Variants in PTK7 observed in about 807,000 individuals in gnomAD.
PTK7 encodes the protein protein tyrosine kinase 7 (inactive).
Under a neutral mutation model 116.6 loss-of-function variants are expected in PTK7, and 39 were observed. The ratio of observed to expected loss-of-function variants is 0.33; its 90% CI spans 0.26 to 0.44. The LOEUF (loss-of-function observed/expected upper bound fraction) is 0.44. PTK7 is among the 20% of genes least tolerant of loss of function. The pLI is 1.00. For synonymous variants in PTK7, 546 were observed against 563.6 expected, an observed-to-expected ratio of 0.97 and a Z score of 0.44; for missense variants, 1,169 against 1,425.6, an observed-to-expected ratio of 0.82 and a Z score of 2.90.
At position 43,141,906 on chromosome 6, in the gene PTK7, G is replaced by C; in HGVS notation, c.1769-25G>C. 1 of 1,595,222 alleles carries C rather than the reference G, an allele frequency of 6.3e-7. No homozygotes were observed. Among genetic ancestry groups the C allele is most frequent in the Non-Finnish European group, 8.6e-7 (1 of 1,168,620 alleles). ...AGCCCCTTGGCTTACCCCTCCCTGC[G>C]CCTCGCTGGTCTCTTTTCTTCCAGT... On this transcript the variant is annotated intron_variant, in intron 11 of 19. Coordinates refer to ENST00000230419, the MANE Select transcript of PTK7 (RefSeq NM_002821.5). This position sits in a 1 kb window ranked among gnomAD's most constrained non-coding sequence, Gnocchi z 4.9.
chr6:43,137,566 A>C (rs1186470104), intron 7 of PTK7, among the ~76,000 whole-genome samples: 1 of 152,168 alleles, frequency 6.6e-6, no homozygotes, highest in African/African-American at 2.4e-5. Flanking sequence ...AGGCAATTGG[A>C]TTTATAGGAA....
At chr6:43,090,952 TTTAGGGATCAGCCAAGTCAGGG>T (rs1157126675) in intron 1 of PTK7, among the ~76,000 whole-genome samples, 9 of 152,158 alleles carry the variant, frequency 5.9e-5, no homozygotes, top group African/African-American at 2.2e-4. Context: ...AGACCCTGAT[TTTAGGGATCAGCCAAGTCAGGG>T]TTATTTGCCT....
rs201723831 is a variant in PTK7 at position 43,159,746 on chromosome 6, G to A, written c.2874-42G>A. ...AGATGAGGGTGCAGCGCCAGGCCAC[G>A]CTCCCACCCCACCTCACCCCTGGGT... On this transcript the variant is annotated intron_variant, in intron 18 of 19. Transcript: ENST00000230419. 31 of 1,604,876 alleles carry A rather than the reference G, an allele frequency of 1.9e-5. No individual in the cohort carries two copies. The East Asian group carries it at 5.8e-4, about 30-fold the overall frequency.
chr6:43,092,576 C>T (rs965776161), intron 1 of PTK7, among the ~76,000 whole-genome samples: 16 of 152,170 alleles, frequency 1.1e-4, no homozygotes, highest in Non-Finnish European at 1.8e-4. Context: ...AACATATCCC[C>T]CCCAGGATTG....
chr6:43,138,744 T>G (rs1437752697), intron 7 of PTK7, 105 bp from the exon 8 acceptor site: 3 of 1,451,306 alleles, frequency 2.1e-6, no homozygotes, highest in East Asian at 2.3e-5. Context: ...AGCATGGGGC[T>G]TCTGAACTCA....
In PTK7 at chr6:43,158,913, G is replaced by A. The variant is rs536167999; in HGVS notation, c.2818G>A (p.Ala940Thr). ...GGCTGCGCGTAACTGCCTGGTCAGT[G>A]CCCAGAGACAAGTGAAGGTGTCTGC... ...DLAARNCLVS[A>T]QRQVKVSALG... The change falls in exon 18 of 20, where the codon GCC (alanine) becomes ACC (threonine). Residue 940 changes from alanine (A) to threonine (T), a missense_variant. By Grantham distance (58) the Ala-to-Thr change is moderately conservative (BLOSUM62 0). Around this residue, in one of 3 missense-constraint regions of PTK7, gnomAD observed 678 missense variants for 853.8 expected, o/e 0.79. Transcript: ENST00000230419. 4 of 1,614,104 alleles carry A rather than the reference G, an allele frequency of 2.5e-6. No homozygotes were observed. Among genetic ancestry groups the A allele is most frequent in the South Asian group, 1.1e-5 (1 of 91,090 alleles).
chr6:43,076,437 C>A lies in PTK7; in HGVS notation c.-52C>A. 7.0e-7 allele frequency: 1 copy of A among 1,435,788 alleles called. No homozygotes were observed. Among genetic ancestry groups the A allele is most frequent in the Non-Finnish European group, 9.2e-7 (1 of 1,086,098 alleles). The allele number at this position is 1,435,788 out of a possible 1,614,324, so 88.9% of individuals were successfully genotyped here. A position where few individuals can be genotyped will look rare whatever the true frequency, so the allele number is the denominator to read the frequency against. On this transcript the variant is annotated 5_prime_UTR_variant, in exon 1 of 20. Transcript: ENST00000230419. This position sits in a 1 kb window ranked among gnomAD's most constrained non-coding sequence, Gnocchi z 5.7. ...CGCCTCCTGTGCCCGCCGCGGAGCG[C>A]AGTCTGCGCGCCCGCCGTGCGCCCT...
intron 1 of PTK7, among the ~76,000 whole-genome samples, chr6:43,108,565 A>G (rs1306746785): frequency 2.0e-5 from 3 of 151,006 alleles, no homozygotes. Context: ...ATGCCTGGCT[A>G]ATTTCTGTAA....
chr6:43,139,577 G>C lies in PTK7; in HGVS notation c.1618+52G>C, dbSNP rs560822781. On this transcript the variant is annotated intron_variant, in intron 10 of 19. Transcript: ENST00000230419. The surrounding 1 kb of genome is among the most constrained non-coding windows in gnomAD (Gnocchi z 4.6). ...GGGCAGGCAGGCAGTTCACTGATCA[G>C]ATACATACCTGAGGGCTGCTGGGTG... 6.2e-7 allele frequency: 1 copy of C among 1,606,950 alleles called. No homozygotes were observed. The highest frequency in any genetic ancestry group is 1.1e-5 in the South Asian group (1 of 90,222).
intron 1 of PTK7, among the ~76,000 whole-genome samples, chr6:43,100,533 A>G (rs966280420): frequency 1.6e-5 from 2 of 122,652 alleles, no homozygotes; most frequent in Non-Finnish European, 3.4e-5. Flanking sequence ...TTTTGATTTT[A>G]TATGCATTTT....
chr6:43,109,856 G>A (rs569034952), intron 1 of PTK7, among the ~76,000 whole-genome samples: 6 of 151,828 alleles, frequency 4.0e-5, no homozygotes, highest in African/African-American at 9.7e-5. Flanking sequence ...CCACGACCAC[G>A]CCCGGCTAAT....
rs1307000764 is a variant in PTK7, at chr6:43,132,621, G to A, written c.1162G>A (p.Val388Ile). ...CAATATTGCTGAAAGTGATGCTGGT[G>A]TCTACACCTGCCACGCGGCCAACCT... ...LANIAESDAGVYTCHAANLAG... is the reference protein window; with the variant it reads ...LANIAESDAGIYTCHAANLAG... Residue 388 changes from valine (V) to isoleucine (I), a missense_variant, in exon 7 of 20, where the codon GTC becomes ATC. Around this residue, in one of 3 missense-constraint regions of PTK7, gnomAD observed 487 missense variants for 549.8 expected, o/e 0.89. Transcript: ENST00000230419. 1 of 1,603,344 alleles carries A rather than the reference G, an allele frequency of 6.2e-7. No individual in the cohort carries two copies.
intron 17 of PTK7, among the ~76,000 whole-genome samples, chr6:43,148,652 A>G (rs896120554): frequency 3.3e-5 from 5 of 152,142 alleles, no homozygotes; most frequent in Non-Finnish European, 7.3e-5. Context: ...ATCTTTGCTA[A>G]ATATCTTTTT....
intron 17 of PTK7, among the ~76,000 whole-genome samples, chr6:43,157,363 T>TATATAA (rs1561990577): frequency 8.3e-5 from 3 of 36,072 alleles, no homozygotes; most frequent in Admixed American, 3.0e-4. Flanking sequence ...TATATATATA[T>TATATAA]ATTTTTTTTT....
intron 14 of PTK7, 94 bp from the exon 15 acceptor site, chr6:43,144,357 G>T: frequency 7.4e-6 from 11 of 1,483,306 alleles, no homozygotes; most frequent in Non-Finnish European, 6.5e-6. Context: ...GACCCAAGTT[G>T]GCAAGAGTGG....
intron 1 of PTK7, among the ~76,000 whole-genome samples, chr6:43,104,382 A>G (rs918692134): frequency 2.0e-5 from 3 of 152,206 alleles, no homozygotes; most frequent in Admixed American, 6.5e-5. Flanking sequence ...AGAAGAAACA[A>G]TGCTAATTAA....
At position 43,142,071 on chromosome 6, in the gene PTK7, C is replaced by G. The variant is rs1232840284; in HGVS notation, c.1909C>G (p.Leu637Val). 1 of 1,613,540 alleles carries G rather than the reference C, an allele frequency of 6.2e-7. No individual in the cohort carries two copies. Among genetic ancestry groups the G allele is most frequent in the Non-Finnish European group, 8.5e-7 (1 of 1,179,766 alleles). The change falls in exon 12 of 20, where the codon CTG (leucine) becomes GTG (valine). Residue 637 changes from leucine (L) to valine (V), a missense_variant. By Grantham distance (32) the Leu-to-Val change is conservative. Around this residue, in one of 3 missense-constraint regions of PTK7, gnomAD observed 678 missense variants for 853.8 expected, o/e 0.79. Coordinates refer to ENST00000230419, the MANE Select transcript of PTK7 (RefSeq NM_002821.5). The stretch of plus-strand genomic sequence containing the variant: ...GGACCGCATCCTGGACCCCACCAAG[C>G]TGGGACCCAGGTAGGGCCACCTCTC... ...GKDRILDPTKLGPRMHIFQNG... is the reference protein window; with the variant it reads ...GKDRILDPTKVGPRMHIFQNG...
Position 43,076,628 on chromosome 6 carries a change from G to T in PTK7, c.79+61G>T. On this transcript the variant is annotated intron_variant, in intron 1 of 19. Transcript: ENST00000230419. The surrounding 1 kb of genome is among the most constrained non-coding windows in gnomAD (Gnocchi z 5.7). ...AAGCGCGGGAGTCCCGTGGGCAAAA[G>T]GCTGCGCCCGGGGCGGTGGGTTTGG... is the stretch of plus-strand genomic sequence containing the variant. 2 of 1,507,944 alleles carry T rather than the reference G, an allele frequency of 1.3e-6. No individual in the cohort carries two copies. The highest frequency in any genetic ancestry group is 2.5e-5 in the South Asian group (2 of 79,836). 93.4% of individuals were successfully genotyped at this position (1,507,944 alleles called of 1,614,324 possible). A position where few individuals can be genotyped will look rare whatever the true frequency, so the allele number is the denominator to read the frequency against.
intron 1 of PTK7, among the ~76,000 whole-genome samples, chr6:43,114,955 T>C (rs1258357417): frequency 6.6e-6 from 1 of 151,274 alleles, no homozygotes; most frequent in Non-Finnish European, 1.5e-5. Context: ...AGCAGGAGAG[T>C]CACTTGAACC....
Sources: gnomAD v4.1 joint callset for allele counts (sites outside exome capture counted in the v4.1 genomes callset) on GRCh38, gnomAD v4.1.1 for gene constraint, gnomAD v4.1.1 regional missense constraint, Gnocchi (gnomAD v3.1) non-coding constraint, MANE v1.5 for transcripts, NCBI Gene and HGNC (gene_info 2026-07-23, HGNC 2026-07-21) for gene names.